The following LYPLA1 variants were observed in gnomAD, a reference collection of about 807,000 sequenced individuals.
LYPLA1 encodes lysophospholipase 1.
Under a neutral mutation model 34.0 loss-of-function variants are expected in LYPLA1, and 17 were observed. That is an observed-to-expected ratio of 0.50 (90% CI 0.34 to 0.75). The LOEUF is 0.75. Ranked by LOEUF, LYPLA1 falls within the 30% of genes least tolerant of loss-of-function variation. The pLI, the probability that LYPLA1 is intolerant of heterozygous loss-of-function variation, is 0.01. For missense variants in LYPLA1, 203 were observed against 288.8 expected (o/e 0.70, Z 2.15); for synonymous variants, 98 against 100.8 (o/e 0.97, Z 0.17).
downstream of LYPLA1, among the ~76,000 whole-genome samples, chr8:54,044,515 T>G (rs575691055): frequency 2.0e-5 from 3 of 152,204 alleles, no homozygotes; most frequent in African/African-American, 7.2e-5. Context: ...AGGGATGATT[T>G]CATCTCTCCC....
At chr8:54,060,914 C>CA (rs1158488624) in intron 5 of LYPLA1, among the ~76,000 whole-genome samples, 1 of 151,864 alleles carries the variant, frequency 6.6e-6, no homozygotes, top group Non-Finnish European at 1.5e-5. Flanking sequence ...AGGCTGGTCT[C>CA]AAACTCCTGA....
At chr8:54,058,187 C>T (rs1045611576) in intron 5 of LYPLA1, among the ~76,000 whole-genome samples, 2 of 152,016 alleles carry the variant, frequency 1.3e-5, no homozygotes, top group Non-Finnish European at 2.9e-5. Context: ...AAGTGTTGTA[C>T]GTAGTTAAGT....
chr8:54,092,651 CTT>C (rs952512939), intron 2 of LYPLA1, among the ~76,000 whole-genome samples: 127 of 152,262 alleles, frequency 8.3e-4, no homozygotes, highest in African/African-American at 3.0e-3. Flanking sequence ...GTAGCCAACT[CTT>C]TTGATAATTT....
intron 8 of LYPLA1, among the ~76,000 whole-genome samples, chr8:54,049,052 C>G (rs1290364454): frequency 6.6e-6 from 1 of 152,236 alleles, no homozygotes; most frequent in African/African-American, 2.4e-5. Context: ...AGGACTTCCC[C>G]TGCCCTCTCT....
intron 3 of LYPLA1, among the ~76,000 whole-genome samples, chr8:54,063,813 G>C (rs1450482158): frequency 6.6e-6 from 1 of 152,166 alleles, no homozygotes; most frequent in Non-Finnish European, 1.5e-5. Flanking sequence ...TCTTAGCTAT[G>C]TACTTGCTTA....
chr8:54,069,649 G>A (rs527355883), intron 2 of LYPLA1, among the ~76,000 whole-genome samples: 2 of 151,756 alleles, frequency 1.3e-5, no homozygotes, highest in East Asian at 3.9e-4. Context: ...GGCAGAGATT[G>A]CAATGAGCTG....
intron 8 of LYPLA1, among the ~76,000 whole-genome samples, chr8:54,050,264 T>C (rs183760452): frequency 3.3e-5 from 5 of 152,368 alleles, no homozygotes; most frequent in African/African-American, 1.2e-4. Context: ...ACCTACTTTT[T>C]ATGATGGCAT....
At chr8:54,101,469 G>A (rs1810144700) in intron 1 of LYPLA1, 3 of 1,107,282 alleles carry the variant, frequency 2.7e-6, no homozygotes, top group Non-Finnish European at 3.3e-6. Context: ...GAAACACGCT[G>A]CAGAGGCTGA....
intron 2 of LYPLA1, among the ~76,000 whole-genome samples, chr8:54,089,290 T>C (rs192955395): frequency 1.2e-4 from 18 of 151,430 alleles, no homozygotes; most frequent in Admixed American, 2.0e-4. Flanking sequence ...CATCAAAAAA[T>C]AGGTGAGTAC....
downstream of LYPLA1, chr8:54,046,294 T>C (rs1805484064): frequency 1.3e-5 from 2 of 152,392 alleles, no homozygotes; most frequent in Non-Finnish European, 1.5e-5. Context: ...TTTAAGTACA[T>C]TGTTATTTTC....
intron 2 of LYPLA1, among the ~76,000 whole-genome samples, chr8:54,067,287 G>C (rs560282037): frequency 6.6e-6 from 1 of 152,206 alleles, no homozygotes; most frequent in East Asian, 1.9e-4. Flanking sequence ...CTTGAGACCA[G>C]GAGTTTAAGA....
intron 2 of LYPLA1, among the ~76,000 whole-genome samples, chr8:54,081,031 A>G (rs1017711161): frequency 3.3e-5 from 5 of 152,224 alleles, no homozygotes; most frequent in African/African-American, 1.2e-4. Flanking sequence ...GCCAAAGAAT[A>G]AAAATGCTGG....
At chr8:54,090,278 T>G (rs1809130493) in intron 2 of LYPLA1, among the ~76,000 whole-genome samples, 1 of 152,252 alleles carries the variant, frequency 6.6e-6, no homozygotes, top group Non-Finnish European at 1.5e-5. Flanking sequence ...GTCTAACCAG[T>G]TGTCTAGCTT....
chr8:54,086,751 T>C (rs1160931666), intron 2 of LYPLA1, among the ~76,000 whole-genome samples: 7 of 152,006 alleles, frequency 4.6e-5, no homozygotes, highest in East Asian at 1.9e-4. Context: ...TGGTCCCAGA[T>C]ACTTGGGAGT....
At chr8:54,063,426 T>C (rs777418048) in intron 3 of LYPLA1, 51 bp from the exon 4 acceptor site, 1 of 1,152,330 alleles carries the variant, frequency 8.7e-7, no homozygotes. Context: ...GCATAAAAAC[T>C]GATAAATTCC....
chr8:54,095,179 T>C (rs1175274346), intron 2 of LYPLA1, among the ~76,000 whole-genome samples: 1 of 152,056 alleles, frequency 6.6e-6, no homozygotes, highest in African/African-American at 2.4e-5. Flanking sequence ...TAATTTTTAG[T>C]AGAGACGAGG....
intron 2 of LYPLA1, among the ~76,000 whole-genome samples, chr8:54,076,432 G>A (rs1057166524): frequency 1.3e-5 from 2 of 151,358 alleles, no homozygotes; most frequent in Admixed American, 6.6e-5. Flanking sequence ...TGCAGATGCG[G>A]ATCCTGACTC....
intron 3 of LYPLA1, 139 bp from the exon 4 acceptor site, chr8:54,063,514 T>C: frequency 1.5e-6 from 1 of 661,140 alleles, no homozygotes; most frequent in South Asian, 1.8e-5. Context: ...CTGTTTTATT[T>C]CATCCACACC....
chr8:54,081,215 GA>G (rs1808293326), intron 2 of LYPLA1, among the ~76,000 whole-genome samples: 1 of 152,040 alleles, frequency 6.6e-6, no homozygotes, highest in Non-Finnish European at 1.5e-5. Context: ...AGTAAATTTT[GA>G]CTATTTGTGG....
Sources: allele counts gnomAD v4.1 joint callset (sites outside exome capture counted in the v4.1 genomes callset), GRCh38; gene constraint gnomAD v4.1.1; transcripts MANE v1.5; gene names NCBI Gene and HGNC (gene_info 2026-07-23, HGNC 2026-07-21).